CELF2: variants seen among roughly 807,000 people sequenced by gnomAD.
CELF2 encodes the protein CUGBP Elav-like family member 2.
CELF2 carries 8 observed loss-of-function variants against 62.6 expected under a neutral mutation model. The ratio of observed to expected loss-of-function variants is 0.13; its 90% CI spans 0.07 to 0.23. The LOEUF (loss-of-function observed/expected upper bound fraction) is 0.23, where lower values mean the gene tolerates loss of function less well. CELF2 is among the 10% of genes least tolerant of loss of function. The probability of loss-of-function intolerance (pLI) is 1.00; values close to 1 mark genes in which losing one functional copy is unlikely to be tolerated. For synonymous variants in CELF2, 258 were observed against 250.0 expected (o/e 1.03, Z -0.30); for missense variants, 333 against 671.0 (o/e 0.50, Z 5.56).
the CELF2 span, among the ~76,000 whole-genome samples, chr10:10,672,443 A>G: frequency 6.9e-6 from 1 of 145,454 alleles, no homozygotes; most frequent in Admixed American, 6.8e-5. Context: ...TCTGTGATCC[A>G]TTTTGAGTTT....
rs898090904 is a variant in CELF2 at position 10,902,589 on chromosome 10, G to A, written c.54-17375G>A. Among the ~76,000 whole-genome samples, 15 of 152,242 alleles carry A rather than the reference G, an allele frequency of 9.9e-5. 1 individual carries two copies. Among genetic ancestry groups the A allele is most frequent in the East Asian group, 9.6e-4 (5 of 5,182 alleles). On this transcript the variant is annotated intron_variant, in intron 1 of 13. Transcript: ENST00000636488. ...AGGAAGGCAAATCAGTGGTTACTTG[G>A]GGACAGGGAAGGGATAGGAGAAAAG...
At chr10:10,900,072 AT>A (rs202136715) in intron 1 of CELF2, among the ~76,000 whole-genome samples, 2,234 of 152,362 alleles carry the variant, frequency 0.015, 46 homozygotes, top group African/African-American at 0.051. Flanking sequence ...TCCATTTCTA[AT>A]AAGAAACTGA....
Position 11,319,443 on chromosome 10 carries a change from G to T in CELF2, c.1097-1746G>T, listed in dbSNP as rs1041322517. 6.6e-6 allele frequency among the ~76,000 whole-genome samples: 1 copy of T among 152,176 alleles called. No individual in the cohort carries two copies. The highest frequency in any genetic ancestry group is 1.5e-5 in the Non-Finnish European group (1 of 68,026). Reference sequence around the variant, plus strand: ...AGCACAGCGGCAGGGAGGTGGCCGCGATTTGCTGGTGTCCGAGGGATCATT... The same window carrying T: ...AGCACAGCGGCAGGGAGGTGGCCGCTATTTGCTGGTGTCCGAGGGATCATT... On this transcript the variant is annotated intron_variant, in intron 10 of 12. Transcript: ENST00000633077. The surrounding 1 kb of genome is among the most constrained non-coding windows in gnomAD (Gnocchi z 4.4).
intron 2 of CELF2, among the ~76,000 whole-genome samples, chr10:10,984,342 T>C (rs952568704): frequency 6.6e-6 from 1 of 152,224 alleles, no homozygotes; most frequent in Non-Finnish European, 1.5e-5. Flanking sequence ...GGCTGCCAAG[T>C]AGAACAATTA....
the CELF2 span, among the ~76,000 whole-genome samples, chr10:10,551,496 C>A: frequency 6.6e-6 from 1 of 152,044 alleles, no homozygotes; most frequent in Non-Finnish European, 1.5e-5. Flanking sequence ...AGCTGGACCC[C>A]CTCCCCCCCA....
intron 2 of CELF2, among the ~76,000 whole-genome samples, chr10:11,205,421 T>C (rs1375100279): frequency 6.6e-6 from 1 of 152,224 alleles, no homozygotes; most frequent in Non-Finnish European, 1.5e-5. Context: ...AAATTTAAAG[T>C]GGACAATAGC....
At chr10:10,688,254 C>T in the CELF2 span, among the ~76,000 whole-genome samples, 2 of 152,182 alleles carry the variant, frequency 1.3e-5, no homozygotes, top group African/African-American at 2.4e-5. Flanking sequence ...GTATATCTCA[C>T]GTTGCAGAAT....
intron 1 of CELF2, among the ~76,000 whole-genome samples, chr10:10,827,713 G>A (rs897275162): frequency 6.6e-6 from 1 of 152,084 alleles, no homozygotes. Context: ...CTTGTGTGTC[G>A]TATCTGTCAT....
the CELF2 span, among the ~76,000 whole-genome samples, chr10:10,609,846 A>G: frequency 1.3e-5 from 2 of 152,248 alleles, no homozygotes; most frequent in Non-Finnish European, 2.9e-5. Context: ...CATCGTCTGC[A>G]TCTACTTGCC....
the CELF2 span, among the ~76,000 whole-genome samples, chr10:10,732,018 A>T: frequency 1.3e-5 from 2 of 152,106 alleles, no homozygotes; most frequent in Admixed American, 6.6e-5. Flanking sequence ...AGACCACCAG[A>T]TGGTTACAAG....
chr10:11,165,829 G>T lies in CELF2; in HGVS notation c.271+147G>T. ...TGCTGGCGGCCCCTGTGCTCCAGGGGCTGCTCCCGACTCCTCCCCGCACCC... is the reference window on the plus strand; with the variant it reads ...TGCTGGCGGCCCCTGTGCTCCAGGGTCTGCTCCCGACTCCTCCCCGCACCC... On this transcript the variant is annotated intron_variant, in intron 2 of 12. Coordinates refer to ENST00000633077, the MANE Select transcript of CELF2 (RefSeq NM_001326342.2). This position sits in a 1 kb window ranked among gnomAD's most constrained non-coding sequence, Gnocchi z 7.4. The T allele has an allele frequency of 1.3e-6, 1 of 753,602 alleles. No individual in the cohort carries two copies. Among genetic ancestry groups the T allele is most frequent in the South Asian group, 1.9e-5 (1 of 53,020 alleles). 46.7% of individuals were successfully genotyped at this position (753,602 alleles called of 1,614,324 possible).
intron 1 of CELF2, among the ~76,000 whole-genome samples, chr10:11,118,641 C>A (rs1195051411): frequency 6.6e-6 from 1 of 152,146 alleles, no homozygotes; most frequent in Non-Finnish European, 1.5e-5. Context: ...AAGTTACTGA[C>A]TTTGGGGTTC....
chr10:10,575,481 T>C, the CELF2 span, among the ~76,000 whole-genome samples: 1 of 152,222 alleles, frequency 6.6e-6, no homozygotes, highest in African/African-American at 2.4e-5. Context: ...AGACAGGTTT[T>C]TCTTTTGTTG....
chr10:11,320,996 G>A, intron 10 of CELF2, 193 bp from the exon 11 acceptor site: 2 of 1,421,518 alleles, frequency 1.4e-6, no homozygotes, highest in South Asian at 2.5e-5. Context: ...GGGTTCTCAT[G>A]GCTTAGGTCA....
At chr10:10,495,048 G>A in the CELF2 span, among the ~76,000 whole-genome samples, 158 of 152,162 alleles carry the variant, frequency 1.0e-3, no homozygotes, top group African/African-American at 3.4e-3. Context: ...AGGCCGAGGC[G>A]GGCAGATCAT....
rs1180786572 is a variant in CELF2 at position 11,212,743 on chromosome 10, T to TTG, written c.272-4681_272-4680insGT. 5.4e-5 allele frequency among the ~76,000 whole-genome samples: 8 copies of TTG among 149,074 alleles called. No individual in the cohort carries two copies. In the East Asian group the frequency reaches 1.4e-3, roughly 26 times the overall value. On this transcript the variant is annotated intron_variant, in intron 2 of 12. Transcript: ENST00000633077. ...GTGTTTTTTTGTGTTTTGGGTTTTT[T>TTG]TTTTTTTTTTTTTTTGCTTCAAGGA...
the CELF2 span, among the ~76,000 whole-genome samples, chr10:10,517,551 G>A: frequency 2.0e-5 from 3 of 152,072 alleles, no homozygotes; most frequent in Admixed American, 1.3e-4. Context: ...CAATACTCAG[G>A]GCCCATATTC....
chr10:10,515,731 C>T, the CELF2 span, among the ~76,000 whole-genome samples: 4 of 152,294 alleles, frequency 2.6e-5, no homozygotes, highest in Non-Finnish European at 4.4e-5. Context: ...TAAGAGATTG[C>T]CTCCTGTATC....
At chr10:10,591,079 G>C in the CELF2 span, among the ~76,000 whole-genome samples, 4 of 152,012 alleles carry the variant, frequency 2.6e-5, no homozygotes, top group East Asian at 5.8e-4. Flanking sequence ...TATTACCATT[G>C]AGTGACCATA....
Sources: gnomAD v4.1 joint callset for allele counts (sites outside exome capture counted in the v4.1 genomes callset) on GRCh38, gnomAD v4.1.1 for gene constraint, Gnocchi (gnomAD v3.1) non-coding constraint, MANE v1.5 for transcripts, NCBI Gene and HGNC (gene_info 2026-07-23, HGNC 2026-07-21) for gene names.